QTGAL: variants seen among roughly 807,000 people sequenced by gnomAD.
The protein encoded by QTGAL is queuosine-tRNA galactosyltransferase, also known as BGnT-like protein 1.
the QTGAL span, among the ~76,000 whole-genome samples, chr17:82,971,105 T>A: frequency 1.3e-5 from 2 of 152,040 alleles, no homozygotes; most frequent in African/African-American, 4.8e-5. Flanking sequence ...CCCCAGCACC[T>A]CCCACACAGC....
chr17:82,984,896 C>G, the QTGAL span, among the ~76,000 whole-genome samples: 1 of 152,154 alleles, frequency 6.6e-6, no homozygotes, highest in Admixed American at 6.5e-5. Context: ...CAGCCCTGTC[C>G]ACTTCCTTCA....
chr17:83,040,576 T>C, the QTGAL span, among the ~76,000 whole-genome samples: 3 of 152,064 alleles, frequency 2.0e-5, no homozygotes, highest in South Asian at 6.2e-4. Flanking sequence ...TGAGAAACAA[T>C]ACCTTTAAAA....
At chr17:82,947,304 ACC>A in the QTGAL span, 1 of 352,542 alleles carries the variant, frequency 2.8e-6, no homozygotes, top group Non-Finnish European at 5.2e-6. Context: ...CTGCTGTTTG[ACC>A]AGGGCAGACC....
the QTGAL span, chr17:82,961,011 G>T: frequency 6.3e-7 from 1 of 1,582,282 alleles, no homozygotes; most frequent in Non-Finnish European, 8.6e-7. Flanking sequence ...CGCCTCCCGT[G>T]TTCCTGGCCT....
At chr17:83,021,185 T>C in the QTGAL span, among the ~76,000 whole-genome samples, 6 of 152,202 alleles carry the variant, frequency 3.9e-5, no homozygotes, top group Admixed American at 2.6e-4. Flanking sequence ...CTAGAAGCAC[T>C]TCTGTTCAAC....
the QTGAL span, chr17:83,005,761 G>T: frequency 1.1e-6 from 1 of 873,746 alleles, no homozygotes; most frequent in Non-Finnish European, 1.8e-6. This position sits in a 1 kb window ranked among gnomAD's most constrained non-coding sequence, Gnocchi z 5.6. Context: ...CCTGCCTCAG[G>T]TGACATCCTG....
the QTGAL span, among the ~76,000 whole-genome samples, chr17:82,955,987 G>A: frequency 6.6e-6 from 1 of 151,544 alleles, no homozygotes; most frequent in Non-Finnish European, 1.5e-5. Context: ...ATCACACACT[G>A]GGACCTGTTG....
the QTGAL span, among the ~76,000 whole-genome samples, chr17:82,969,018 C>A: frequency 6.6e-6 from 1 of 151,798 alleles, no homozygotes; most frequent in African/African-American, 2.4e-5. Context: ...CCTGTAGTCC[C>A]AGCTACTCTG....
the QTGAL span, chr17:83,005,014 G>T: frequency 2.1e-6 from 2 of 955,190 alleles, no homozygotes; most frequent in Non-Finnish European, 3.1e-6. The surrounding 1 kb of genome is among the most constrained non-coding windows in gnomAD (Gnocchi z 5.6). Flanking sequence ...AAGGACCACG[G>T]CCCACGACGA....
chr17:82,971,296 C>T, the QTGAL span, among the ~76,000 whole-genome samples: 68,618 of 152,070 alleles, frequency 0.45, 15,755 homozygotes, highest in African/African-American at 0.52. Flanking sequence ...CATAAGGACG[C>T]GCACAGACAC....
At chr17:82,974,364 C>T in the QTGAL span, among the ~76,000 whole-genome samples, 19 of 152,292 alleles carry the variant, frequency 1.2e-4, no homozygotes, top group Admixed American at 7.8e-4. Context: ...GAACGCTGGC[C>T]GCCTCGAGCA....
chr17:83,014,659 G>T, the QTGAL span: 1 of 889,220 alleles, frequency 1.1e-6, no homozygotes, highest in Non-Finnish European at 1.8e-6. Context: ...GGCTTCAACT[G>T]ATCCTCTCGC....
chr17:83,009,114 C>T, the QTGAL span, among the ~76,000 whole-genome samples: 3 of 151,542 alleles, frequency 2.0e-5, no homozygotes, highest in Non-Finnish European at 4.4e-5. Flanking sequence ...CATCATAAAA[C>T]GTAACTCAGG....
the QTGAL span, chr17:82,948,698 A>T: frequency 1.3e-5 from 2 of 152,406 alleles, no homozygotes; most frequent in South Asian, 4.1e-4. Flanking sequence ...TGCCAAATGC[A>T]CGTTCACAAC....
At chr17:82,953,356 C>G in the QTGAL span, among the ~76,000 whole-genome samples, 5 of 152,150 alleles carry the variant, frequency 3.3e-5, no homozygotes, top group Non-Finnish European at 1.5e-5. Flanking sequence ...CACAGAGATA[C>G]AAGCTACCAT....
chr17:82,993,824 A>G, the QTGAL span, among the ~76,000 whole-genome samples: 28 of 152,204 alleles, frequency 1.8e-4, no homozygotes, highest in Admixed American at 1.6e-3. Flanking sequence ...AGTTTTATTT[A>G]ATGGACTAAA....
At chr17:83,038,583 G>A in the QTGAL span, among the ~76,000 whole-genome samples, 1 of 152,266 alleles carries the variant, frequency 6.6e-6, no homozygotes, top group Admixed American at 6.5e-5. Context: ...ATTAGGCCGG[G>A]CGCAGTGTTT....
At chr17:82,945,606 TG>T in the QTGAL span, 2 of 152,366 alleles carry the variant, frequency 1.3e-5, no homozygotes, top group African/African-American at 4.8e-5. Context: ...GATAAAAATA[TG>T]CCATTCTTAT....
the QTGAL span, chr17:83,049,047 A>G: frequency 2.3e-6 from 1 of 426,044 alleles, no homozygotes; most frequent in Non-Finnish European, 4.3e-6. Context: ...AGGTCAGGAG[A>G]TTGAGACCAT....
Sources: allele counts gnomAD v4.1 joint callset (sites outside exome capture counted in the v4.1 genomes callset), GRCh38; gene constraint gnomAD v4.1.1; non-coding constraint Gnocchi (gnomAD v3.1); transcripts MANE v1.5; gene names NCBI Gene and HGNC (gene_info 2026-07-23, HGNC 2026-07-21).